Variants in PRKCQ observed in about 807,000 individuals in gnomAD.
PRKCQ encodes protein kinase C theta type.
A neutral mutation model predicts 91.2 loss-of-function variants in PRKCQ; 41 were observed. The observed-to-expected ratio is 0.45, with a 90% CI of 0.35 to 0.58. The LOEUF is 0.58. Ranked by LOEUF, PRKCQ falls within the 20% of genes least tolerant of loss-of-function variation. The pLI, the probability that PRKCQ is intolerant of heterozygous loss-of-function variation, is 0.00. For missense variants in PRKCQ, 673 were observed against 896.5 expected, an observed-to-expected ratio of 0.75 and a Z score of 3.18; for synonymous variants, 307 against 316.9, an observed-to-expected ratio of 0.97 and a Z score of 0.33.
At chr10:6,462,496 C>T (rs1835406524) in intron 13 of PRKCQ, 131 bp from the exon 14 acceptor site, 1 of 721,266 alleles carries the variant, frequency 1.4e-6, no homozygotes. Flanking sequence ...CTGTTTAATC[C>T]TAACAAGGAA....
the PRKCQ span, among the ~76,000 whole-genome samples, chr10:6,395,805 T>C: frequency 6.6e-5 from 10 of 152,294 alleles, no homozygotes; most frequent in Admixed American, 1.3e-4. Context: ...TATTTTGCAA[T>C]GGCGGTTTCA....
intron 1 of PRKCQ, among the ~76,000 whole-genome samples, chr10:6,572,515 G>A (rs1036108179): frequency 6.6e-6 from 1 of 152,208 alleles, no homozygotes; most frequent in African/African-American, 2.4e-5. Context: ...TTAGTTTGCT[G>A]AGGATGATGG....
chr10:6,453,371 T>C (rs1312136583), intron 15 of PRKCQ, among the ~76,000 whole-genome samples: 1 of 152,184 alleles, frequency 6.6e-6, no homozygotes, highest in Non-Finnish European at 1.5e-5. Context: ...CACAATGAGA[T>C]ACCATCTCAC....
chr10:6,515,482 T>C (rs1264929648), intron 1 of PRKCQ: 1 of 985,320 alleles, frequency 1.0e-6, no homozygotes, highest in Non-Finnish European at 1.2e-6. Flanking sequence ...TTATGTCTTC[T>C]GTTATTCAAG....
intron 12 of PRKCQ, among the ~76,000 whole-genome samples, chr10:6,477,597 T>C (rs549305570): frequency 1.1e-4 from 17 of 152,318 alleles, no homozygotes; most frequent in African/African-American, 4.1e-4. Flanking sequence ...GCTGGGTGCG[T>C]TGGCTCACGC....
At chr10:6,474,593 C>T (rs915188180) in intron 12 of PRKCQ, among the ~76,000 whole-genome samples, 1 of 152,122 alleles carries the variant, frequency 6.6e-6, no homozygotes, top group Non-Finnish European at 1.5e-5. Context: ...AGAGATAGAA[C>T]ACAGAAACTT....
At chr10:6,478,406 G>T (rs774493544) in intron 12 of PRKCQ, among the ~76,000 whole-genome samples, 2 of 152,046 alleles carry the variant, frequency 1.3e-5, no homozygotes, top group Non-Finnish European at 2.9e-5. Context: ...GATAATTTTT[G>T]TTTTTTTAAG....
intron 4 of PRKCQ, among the ~76,000 whole-genome samples, chr10:6,502,360 G>A (rs990747806): frequency 6.6e-6 from 1 of 152,180 alleles, no homozygotes. Flanking sequence ...AGGTATGGTG[G>A]GGAAAAGCCA....
chr10:6,410,686 A>C, the PRKCQ span, among the ~76,000 whole-genome samples: 1 of 152,208 alleles, frequency 6.6e-6, no homozygotes, highest in Non-Finnish European at 1.5e-5. Flanking sequence ...CACCCAGCAA[A>C]GAATAGTCTT....
At chr10:6,436,535 T>C (rs938334685) in intron 16 of PRKCQ, among the ~76,000 whole-genome samples, 2 of 152,168 alleles carry the variant, frequency 1.3e-5, no homozygotes, top group Non-Finnish European at 2.9e-5. Flanking sequence ...ACTGCAAAGA[T>C]CTACCTGTGC....
chr10:6,510,945 G>A (rs114278082), intron 3 of PRKCQ, 50 bp downstream of exon 3: 90 of 1,605,442 alleles, frequency 5.6e-5, no homozygotes, highest in Non-Finnish European at 6.9e-5. Context: ...GCCAGTCATC[G>A]GCTACCATCA....
the PRKCQ span, among the ~76,000 whole-genome samples, chr10:6,406,431 C>T: frequency 1.3e-5 from 2 of 151,686 alleles, no homozygotes; most frequent in African/African-American, 4.8e-5. Flanking sequence ...TTGCTGAAGT[C>T]GCTCCCCAGT....
At chr10:6,574,067 G>A (rs1841136953) in intron 1 of PRKCQ, among the ~76,000 whole-genome samples, 1 of 152,226 alleles carries the variant, frequency 6.6e-6, no homozygotes. Context: ...TGTGAGCTGA[G>A]ATCGTGCCAC....
chr10:6,470,646 T>C (rs2130736025), intron 12 of PRKCQ, among the ~76,000 whole-genome samples: 1 of 152,254 alleles, frequency 6.6e-6, no homozygotes, highest in East Asian at 1.9e-4. Flanking sequence ...AAGAACGATT[T>C]TGCCATCAAG....
chr10:6,564,366 C>T (rs1255210403), intron 1 of PRKCQ, among the ~76,000 whole-genome samples: 1 of 152,090 alleles, frequency 6.6e-6, no homozygotes, highest in African/African-American at 2.4e-5. Context: ...TTTTCAAAGG[C>T]AGCTGCTGCA....
In PRKCQ at chr10:6,428,168, G is replaced by C. The variant is rs767600865; in HGVS notation, c.*39C>G. On this transcript the variant is annotated 3_prime_UTR_variant, in exon 18 of 18. Coordinates refer to ENST00000263125, the MANE Select transcript of PRKCQ (RefSeq NM_006257.5). ...AGTGTCTCTTGAACCAGTTCCCAGG[G>C]AGAAGGCAAATTCTTTCCTGTCTCT... 53 of 1,613,288 alleles carry C rather than the reference G, an allele frequency of 3.3e-5. No individual in the cohort carries two copies. The highest frequency in any genetic ancestry group is 4.2e-5 in the Non-Finnish European group (49 of 1,179,742).
At chr10:6,403,216 C>T in the PRKCQ span, among the ~76,000 whole-genome samples, 965 of 152,328 alleles carry the variant, frequency 6.3e-3, 13 homozygotes, top group African/African-American at 0.017. Context: ...AATGTGCAGA[C>T]GGTGGACACT....
the PRKCQ span, among the ~76,000 whole-genome samples, chr10:6,411,059 C>T: frequency 7.9e-5 from 12 of 151,576 alleles, no homozygotes; most frequent in East Asian, 5.8e-4. Flanking sequence ...AGAGCTAGCA[C>T]GCTGATCTTT....
chr10:6,544,626 CT>C (rs542982533), intron 1 of PRKCQ, among the ~76,000 whole-genome samples: 179 of 141,468 alleles, frequency 1.3e-3, no homozygotes, highest in Middle Eastern at 3.6e-3. Context: ...ACCCCACACT[CT>C]TTTTTTTTTT....
Sources: allele counts gnomAD v4.1 joint callset (sites outside exome capture counted in the v4.1 genomes callset), GRCh38; gene constraint gnomAD v4.1.1; transcripts MANE v1.5; gene names NCBI Gene and HGNC (gene_info 2026-07-23, HGNC 2026-07-21).